Variants in ZNF260 observed in about 807,000 individuals in gnomAD.
ZNF260 encodes the protein zinc finger protein 260, also known as zfp-260.
In ZNF260, 21 loss-of-function variants were observed where a neutral mutation model predicts 29.3. That is an observed-to-expected ratio of 0.72 (90% CI 0.51 to 1.03). The LOEUF is 1.03. ZNF260 is among the 50% of genes least tolerant of loss of function. The pLI, the probability that ZNF260 is intolerant of heterozygous loss-of-function variation, is 0.00. For missense variants in ZNF260, 465 were observed against 487.8 expected (o/e 0.95, Z 0.44); for synonymous variants, 156 against 156.8 (o/e 0.99, Z 0.04).
Position 36,513,801 on chromosome 19 carries a change from G to A in ZNF260, c.*199C>T. The stretch of plus-strand genomic sequence containing the variant: ...CTCCTAGAAGTACAGCATTGATAAT[G>A]CTTGTTGTGGGAGTTTTGGGGGTAC... On this transcript the variant is annotated 3_prime_UTR_variant, in exon 3 of 3. Coordinates refer to ENST00000523638, the MANE Select transcript of ZNF260 (RefSeq NM_001166037.2). 1.6e-6 allele frequency: 1 copy of A among 606,568 alleles called. No homozygotes were observed. The highest frequency in any genetic ancestry group is 2.9e-6 in the Non-Finnish European group (1 of 347,690). The allele number at this position is 606,568 out of a possible 1,614,324, so 37.6% of individuals were successfully genotyped here.
intron 2 of ZNF260, among the ~76,000 whole-genome samples, chr19:36,516,813 C>T (rs978510016): frequency 2.6e-5 from 4 of 151,944 alleles, no homozygotes; most frequent in Non-Finnish European, 4.4e-5. Context: ...CTCCTGACCT[C>T]GTGATCTGCC....
intron 2 of ZNF260, among the ~76,000 whole-genome samples, chr19:36,518,719 A>T (rs1276730047): frequency 6.6e-6 from 1 of 152,190 alleles, no homozygotes; most frequent in East Asian, 1.9e-4. Flanking sequence ...CAGAATTACA[A>T]ATCATGAGTC....
intron 2 of ZNF260, among the ~76,000 whole-genome samples, chr19:36,521,305 A>T (rs545794410): frequency 4.5e-4 from 68 of 152,242 alleles, no homozygotes; most frequent in Non-Finnish European, 7.5e-4. Flanking sequence ...AAAATTAAAA[A>T]TTACATCTCC....
rs1163133951 is a variant in ZNF260, at chr19:36,515,873, ATTC to A, written c.-461-177_-461-175del. Among the ~76,000 whole-genome samples, 7 of 151,876 alleles carry A rather than the reference ATTC, an allele frequency of 4.6e-5. 1 individual carries two copies. Among genetic ancestry groups the A allele is most frequent in the Admixed American group, 2.6e-4 (4 of 15,212 alleles). On this transcript the variant is annotated intron_variant, in intron 2 of 2. Coordinates refer to ENST00000523638, the MANE Select transcript of ZNF260 (RefSeq NM_001166037.2). ...TCAGAAATGTATTACTGTAAAATAG[ATTC>A]TTTTTTTTTTTTGAGATGGAATTTC...
At chr19:36,516,476 G>A (rs1276644742) in intron 2 of ZNF260, among the ~76,000 whole-genome samples, 3 of 152,174 alleles carry the variant, frequency 2.0e-5, no homozygotes, top group Non-Finnish European at 1.5e-5. Flanking sequence ...TGTAGTCCTA[G>A]CTACTGAGGA....
chr19:36,519,997 C>T (rs571735760), intron 2 of ZNF260, among the ~76,000 whole-genome samples: 14 of 151,434 alleles, frequency 9.2e-5, no homozygotes, highest in African/African-American at 2.9e-4. Context: ...GTTAGGAGTT[C>T]GAGACCAGCC....
At position 36,516,825 on chromosome 19, in the gene ZNF260, G is replaced by A. The variant is rs779968136; in HGVS notation, c.-461-1126C>T. Among the ~76,000 whole-genome samples, 99 of 152,098 alleles carry A rather than the reference G, an allele frequency of 6.5e-4. 1 individual carries two copies. The highest frequency in any genetic ancestry group is 4.6e-4 in the Admixed American group (7 of 15,280). ...GATCTCCTGACCTCGTGATCTGCCC[G>A]CCTTGGCCTCCCAAAGTGCTGGGAT... On this transcript the variant is annotated intron_variant, in intron 2 of 2. Transcript: ENST00000523638.
chr19:36,526,118 A>G (rs2034729037), intron 1 of ZNF260, among the ~76,000 whole-genome samples: 1 of 152,254 alleles, frequency 6.6e-6, no homozygotes, highest in African/African-American at 2.4e-5. Context: ...CTAATATTTT[A>G]CTTAGATTAA....
At chr19:36,523,564 A>G (rs1221848475) in intron 2 of ZNF260, among the ~76,000 whole-genome samples, 1 of 151,594 alleles carries the variant, frequency 6.6e-6, no homozygotes, top group East Asian at 1.9e-4. Context: ...TTTTGATAAT[A>G]ATAGTATTAT....
At chr19:36,524,523 T>TTTTTTGTTTGTTTGTTTG (rs1423724730) in intron 2 of ZNF260, among the ~76,000 whole-genome samples, 3 of 106,624 alleles carry the variant, frequency 2.8e-5, no homozygotes, top group African/African-American at 9.6e-5. Context: ...GCTAGTTTTT[T>TTTTTTGTTTGTTTGTTTG]TTTTTTTTTT....
chr19:36,514,511 G>A lies in ZNF260; in HGVS notation c.728C>T (p.Thr243Ile). The change falls in exon 3 of 3, where the codon ACA (threonine) becomes ATA (isoleucine). Residue 243 changes from threonine (T) to isoleucine (I), a missense_variant. Coordinates refer to ENST00000523638, the MANE Select transcript of ZNF260 (RefSeq NM_001166037.2). ...CTTACACGTATAAGGTTTCTCTCCT[G>A]TGTGACTTCTCTGGTGTCTAATGAG... is the stretch of plus-strand genomic sequence containing the variant. ...SSLIRHQRSH[T>I]GEKPYTCKEC... The A allele has an allele frequency of 6.2e-7, 1 of 1,614,054 alleles. No individual in the cohort carries two copies. The highest frequency in any genetic ancestry group is 8.5e-7 in the Non-Finnish European group (1 of 1,180,002).
Position 36,513,718 on chromosome 19 carries a change from G to A in ZNF260, c.*282C>T. On this transcript the variant is annotated 3_prime_UTR_variant, in exon 3 of 3. Coordinates refer to ENST00000523638, the MANE Select transcript of ZNF260 (RefSeq NM_001166037.2). ...TATCTATTTCTTAATGCATCTGTAG[G>A]CCTTCCAGGAACACATTAAGTAGTG... 1 of 445,944 alleles carries A rather than the reference G, an allele frequency of 2.2e-6. No homozygotes were observed. The highest frequency in any genetic ancestry group is 4.0e-6 in the Non-Finnish European group (1 of 252,412). The allele number at this position is 445,944 out of a possible 1,614,324, so 27.6% of individuals were successfully genotyped here.
chr19:36,528,050 A>C (rs1461623198), intron 1 of ZNF260, among the ~76,000 whole-genome samples, 169 bp downstream of exon 1: 1 of 151,446 alleles, frequency 6.6e-6, no homozygotes, highest in Non-Finnish European at 1.5e-5. Flanking sequence ...CCCGAACTGT[A>C]CCCCTGCCCC....
At position 36,514,443 on chromosome 19, in the gene ZNF260, G is replaced by A. The variant is rs1568549547; in HGVS notation, c.796C>T (p.His266Tyr). The change falls in exon 3 of 3, where the codon CAT (histidine) becomes TAT (tyrosine). Residue 266 changes from histidine to tyrosine, a missense_variant. His to Tyr is a moderately conservative substitution (Grantham distance 83). Transcript: ENST00000523638. ...TTCTCTCCAATATGAATTTTCTCAT[G>A]CTCTGTGAGATTTGACTTGCCACTG... ...AFSGKSNLTEHEKIHIGEKPY... is the reference protein window; with the variant it reads ...AFSGKSNLTEYEKIHIGEKPY... 1 of 1,614,014 alleles carries A rather than the reference G, an allele frequency of 6.2e-7. No homozygotes were observed. The highest frequency in any genetic ancestry group is 1.7e-5 in the Admixed American group (1 of 60,002).
Position 36,511,896 on chromosome 19 carries a change from T to C in ZNF260, c.*2104A>G, listed in dbSNP as rs2034458020. 6.6e-6 allele frequency: 1 copy of C among 152,160 alleles called. No homozygotes were observed. Among genetic ancestry groups the C allele is most frequent in the African/African-American group, 2.4e-5 (1 of 41,434 alleles). The allele number at this position is 152,160 out of a possible 1,614,324, so 9.4% of individuals were successfully genotyped here. The stretch of plus-strand genomic sequence containing the variant: ...TGAAGCTGAAATCCAGGAGTTAATG[T>C]TTTCCTCAATGGCTTATAAAAAAAT... On this transcript the variant is annotated 3_prime_UTR_variant, in exon 3 of 3. Transcript: ENST00000523638.
intron 1 of ZNF260, among the ~76,000 whole-genome samples, chr19:36,526,606 T>C (rs947451574): frequency 6.6e-6 from 1 of 152,180 alleles, no homozygotes. Flanking sequence ...TCCCATATAC[T>C]TTAAAATTAT....
At position 36,514,376 on chromosome 19, in the gene ZNF260, T is replaced by A; in HGVS notation, c.863A>T (p.Lys288Met). 1 of 1,613,636 alleles carries A rather than the reference T, an allele frequency of 6.2e-7. No homozygotes were observed. Among genetic ancestry groups the A allele is most frequent in the Non-Finnish European group, 8.5e-7 (1 of 1,179,634 alleles). Residue 288 changes from lysine to methionine, a missense_variant, in exon 3 of 3, where the codon AAG (lysine) becomes ATG (methionine). Transcript: ENST00000523638. ...CNECGTIFRQ[K>M]QYLIKHHNIH... ...ATTGTGATGTTTAATGAGGTATTGC[T>A]TCTGCCTGAAGATTGTTCCACATTC...
intron 2 of ZNF260, among the ~76,000 whole-genome samples, chr19:36,521,572 G>A (rs112216204): frequency 0.27 from 41,542 of 151,486 alleles, 6,124 homozygotes; most frequent in Non-Finnish European, 0.35. Context: ...GGCCAACATG[G>A]TGAAACTCTG....
In ZNF260 at chr19:36,514,245, A is replaced by G. The variant is rs2034501273; in HGVS notation, c.994T>C (p.Tyr332His). Residue 332 changes from tyrosine to histidine, a missense_variant, in exon 3 of 3, where the codon TAT becomes CAT. By Grantham distance (83) the Tyr-to-His change is moderately conservative. Coordinates refer to ENST00000523638, the MANE Select transcript of ZNF260 (RefSeq NM_001166037.2). ...HVRIHTGDKP[Y>H]ECKVCGKAFC... The stretch of plus-strand genomic sequence containing the variant: ...GCTTTCCCACAGACCTTACACTCAT[A>G]AGGCTTATCACCTGTATGAATTCTC... 6.2e-7 allele frequency: 1 copy of G among 1,614,038 alleles called. No homozygotes were observed. The highest frequency in any genetic ancestry group is 1.3e-5 in the African/African-American group (1 of 74,936).
Sources: allele counts gnomAD v4.1 joint callset (sites outside exome capture counted in the v4.1 genomes callset), GRCh38; gene constraint gnomAD v4.1.1; transcripts MANE v1.5; gene names NCBI Gene and HGNC (gene_info 2026-07-23, HGNC 2026-07-21).